Variants in ELL observed in about 807,000 individuals in gnomAD.
The protein encoded by ELL is RNA polymerase II elongation factor ELL.
Under a neutral mutation model 64.0 loss-of-function variants are expected in ELL, and 18 were observed. That is an observed-to-expected ratio of 0.28 (90% CI 0.19 to 0.42). The LOEUF is 0.42. ELL is among the 10% of genes least tolerant of loss of function. The pLI is 1.00. For synonymous variants in ELL, 399 were observed against 376.2 expected, an observed-to-expected ratio of 1.06 and a Z score of -0.70; for missense variants, 797 against 870.4, an observed-to-expected ratio of 0.92 and a Z score of 1.06.
intron 1 of ELL, among the ~76,000 whole-genome samples, chr19:18,487,147 G>T (rs1161372826): frequency 1.3e-5 from 2 of 152,192 alleles, no homozygotes; most frequent in Non-Finnish European, 2.9e-5. Context: ...CCCTGAGAAA[G>T]GAGTAACTGC....
At chr19:18,472,758 A>G in intron 2 of ELL, 77 bp downstream of exon 2, 1 of 1,512,790 alleles carries the variant, frequency 6.6e-7, no homozygotes, top group Non-Finnish European at 9.0e-7. Context: ...CTGCTGCTGT[A>G]CCCAGCGAGC....
intron 1 of ELL, 189 bp from the exon 2 acceptor site, chr19:18,473,071 G>A (rs1286184060): frequency 8.5e-6 from 6 of 709,766 alleles, no homozygotes; most frequent in African/African-American, 3.6e-5. Context: ...AGAAGGATCA[G>A]TAGGAGTTCC....
intron 1 of ELL, among the ~76,000 whole-genome samples, chr19:18,506,081 G>A (rs1975879027): frequency 1.3e-5 from 2 of 152,174 alleles, no homozygotes; most frequent in Admixed American, 1.3e-4. Context: ...CTGCACCTAG[G>A]CCCACTGACC....
chr19:18,475,126 C>G (rs112138541), intron 1 of ELL, among the ~76,000 whole-genome samples: 3,931 of 152,044 alleles, frequency 0.026, 109 homozygotes, highest in African/African-American at 0.071. Context: ...CCTGTCTCAA[C>G]AACAGCAACA....
chr19:18,510,558 C>T (rs1975997482), intron 1 of ELL, among the ~76,000 whole-genome samples: 1 of 152,156 alleles, frequency 6.6e-6, no homozygotes, highest in Non-Finnish European at 1.5e-5. Flanking sequence ...AGACCTTCCT[C>T]TGTCACCTGT....
chr19:18,486,536 A>G (rs1319758072), intron 1 of ELL, among the ~76,000 whole-genome samples: 1 of 152,128 alleles, frequency 6.6e-6, no homozygotes, highest in East Asian at 1.9e-4. Flanking sequence ...GCTGCCCCTG[A>G]GGCCCTCAGA....
At position 18,446,457 on chromosome 19, in the gene ELL, G is replaced by A. The variant is rs574270231; in HGVS notation, c.1556C>T (p.Ser519Leu). The change falls in exon 10 of 12, where the codon TCG (serine) becomes TTG (leucine). Residue 519 changes from serine (S) to leucine (L), a missense_variant. By Grantham distance (145) the Ser-to-Leu change is moderately radical. Coordinates refer to ENST00000262809, the MANE Select transcript of ELL (RefSeq NM_006532.4). ...YLLKYAAISS[S>L]EQRQSYKNDF... ...GTTCTTGTAGCTCTGGCGCTGCTCC[G>A]AAGAGGAGATGGCTGCGTACTTCCT... 5.1e-5 allele frequency: 82 copies of A among 1,612,648 alleles called. No individual in the cohort carries two copies. Among genetic ancestry groups the A allele is most frequent in the African/African-American group, 3.6e-4 (27 of 75,062 alleles).
At chr19:18,475,034 G>C (rs1187704347) in intron 1 of ELL, among the ~76,000 whole-genome samples, 2 of 152,186 alleles carry the variant, frequency 1.3e-5, no homozygotes, top group African/African-American at 4.8e-5. Flanking sequence ...CAAGGCAGGA[G>C]AATCACTTCA....
At chr19:18,495,895 A>G (rs943856237) in intron 1 of ELL, among the ~76,000 whole-genome samples, 6 of 152,178 alleles carry the variant, frequency 3.9e-5, no homozygotes, top group African/African-American at 1.4e-4. Flanking sequence ...ACCTTGGACT[A>G]TGAGGCTTAG....
chr19:18,494,290 G>C (rs1210803822), intron 1 of ELL, among the ~76,000 whole-genome samples: 1 of 152,124 alleles, frequency 6.6e-6, no homozygotes, highest in East Asian at 1.9e-4. Flanking sequence ...GTCAAAGAGA[G>C]AGAGAGAAAA....
At chr19:18,453,082 G>A (rs750507907) in intron 6 of ELL, among the ~76,000 whole-genome samples, 4 of 152,152 alleles carry the variant, frequency 2.6e-5, no homozygotes, top group Admixed American at 6.5e-5. Context: ...GACCAGTCTG[G>A]CCAACATGGT....
At chr19:18,467,637 AC>A (rs1974969346) in intron 2 of ELL, among the ~76,000 whole-genome samples, 1 of 14,182 alleles carries the variant, frequency 7.1e-5, no homozygotes, top group African/African-American at 2.6e-3. Flanking sequence ...ACAACCACAC[AC>A]ACACACACAC....
In ELL at chr19:18,474,528, C is replaced by G. The variant is rs144202662; in HGVS notation, c.136-1646G>C. Reference sequence around the variant, plus strand: ...CATGCTTCTCAAACACGCCACCCCTCAACAAATACATGGGCCCACTCCACA... The same window carrying G: ...CATGCTTCTCAAACACGCCACCCCTGAACAAATACATGGGCCCACTCCACA... On this transcript the variant is annotated intron_variant, in intron 1 of 11. Transcript: ENST00000262809. Among the ~76,000 whole-genome samples, 120 of 152,382 alleles carry G rather than the reference C, an allele frequency of 7.9e-4. 1 individual carries two copies. The highest frequency in any genetic ancestry group is 1.4e-3 in the Non-Finnish European group (97 of 68,036).
At chr19:18,462,641 C>T (rs1345753571) in intron 4 of ELL, among the ~76,000 whole-genome samples, 5 of 152,054 alleles carry the variant, frequency 3.3e-5, no homozygotes, top group Non-Finnish European at 5.9e-5. Flanking sequence ...CTCAGCTTTC[C>T]AAAGTGCTGG....
intron 10 of ELL, chr19:18,446,046 C>T: frequency 2.0e-6 from 1 of 499,034 alleles, no homozygotes; most frequent in Non-Finnish European, 3.6e-6. Context: ...CCCGGCTCGC[C>T]CCCATCCAAG....
At chr19:18,494,577 G>C (rs1305706428) in intron 1 of ELL, among the ~76,000 whole-genome samples, 2 of 152,118 alleles carry the variant, frequency 1.3e-5, no homozygotes, top group African/African-American at 4.8e-5. Flanking sequence ...TTTTAGTAGA[G>C]ACAGGGTTTT....
intron 1 of ELL, among the ~76,000 whole-genome samples, chr19:18,500,753 T>C (rs1975765348): frequency 1.3e-5 from 2 of 152,298 alleles, no homozygotes; most frequent in South Asian, 4.1e-4. Flanking sequence ...CTCTGGGAAC[T>C]GTCAGGGGCC....
intron 5 of ELL, among the ~76,000 whole-genome samples, chr19:18,460,009 C>T (rs1320177455): frequency 6.6e-6 from 1 of 152,170 alleles, no homozygotes; most frequent in Non-Finnish European, 1.5e-5. Context: ...TCATGACAGG[C>T]TTTGCTAAAT....
intron 1 of ELL, chr19:18,473,290 G>GACCC (rs1242816333): frequency 2.1e-6 from 1 of 477,986 alleles, no homozygotes; most frequent in African/African-American, 2.0e-5. Flanking sequence ...GGTCAGGGTT[G>GACCC]ACCCTGGATC....
Sources: allele counts gnomAD v4.1 joint callset (sites outside exome capture counted in the v4.1 genomes callset), GRCh38; gene constraint gnomAD v4.1.1; transcripts MANE v1.5; gene names NCBI Gene and HGNC (gene_info 2026-07-23, HGNC 2026-07-21).